The following NRXN3 variants were observed in gnomAD, a reference collection of about 807,000 sequenced individuals.
NRXN3 encodes the protein neurexin 3.
In NRXN3, 32 loss-of-function variants were observed where a neutral mutation model predicts 137.6. That is an observed-to-expected ratio of 0.23 (90% CI 0.18 to 0.31). The LOEUF is 0.31. NRXN3 is among the 10% of genes least tolerant of loss of function. The pLI, the probability that NRXN3 is intolerant of heterozygous loss-of-function variation, is 1.00. For synonymous variants in NRXN3, 798 were observed against 784.5 expected, an observed-to-expected ratio of 1.02 and a Z score of -0.29; for missense variants, 1,574 against 2,062.5, an observed-to-expected ratio of 0.76 and a Z score of 4.59.
chr14:79,017,901 C>T (rs1452766051), intron 15 of NRXN3, among the ~76,000 whole-genome samples: 1 of 151,934 alleles, frequency 6.6e-6, no homozygotes, highest in Non-Finnish European at 1.5e-5. Flanking sequence ...ATCAGGAGTC[C>T]TTATCAAAGG....
intron 10 of NRXN3, among the ~76,000 whole-genome samples, chr14:78,907,171 T>G (rs909087920): frequency 1.3e-5 from 2 of 152,076 alleles, no homozygotes; most frequent in Non-Finnish European, 2.9e-5. Context: ...CATATTAAAT[T>G]TTGGATTTAG....
chr14:79,084,310 A>G (rs2152772486), intron 15 of NRXN3, among the ~76,000 whole-genome samples: 1 of 152,292 alleles, frequency 6.6e-6, no homozygotes, highest in African/African-American at 2.4e-5. Flanking sequence ...TCATAGAACT[A>G]TACACCAGAA....
chr14:78,439,219 G>C (rs1239271042), intron 4 of NRXN3, among the ~76,000 whole-genome samples: 3 of 151,994 alleles, frequency 2.0e-5, no homozygotes, highest in Non-Finnish European at 4.4e-5. Context: ...AGAATAGTTT[G>C]TATCTTGAAA....
chr14:78,282,261 G>T (rs905818851), intron 3 of NRXN3: 12 of 440,946 alleles, frequency 2.7e-5, no homozygotes, highest in African/African-American at 2.0e-4. Context: ...CCTGCTTTTT[G>T]CCTGTTCTAG....
At chr14:78,868,706 A>C (rs756929279) in intron 10 of NRXN3, among the ~76,000 whole-genome samples, 32 of 152,028 alleles carry the variant, frequency 2.1e-4, no homozygotes, top group Non-Finnish European at 3.8e-4. Context: ...CTGTAATCCC[A>C]GCTACTCAGG....
chr14:79,308,172 A>T (rs2086464200), intron 15 of NRXN3, among the ~76,000 whole-genome samples: 1 of 149,750 alleles, frequency 6.7e-6, no homozygotes, highest in South Asian at 2.4e-4. Flanking sequence ...GGGTGTTAGG[A>T]CTTAGGGGGT....
At chr14:78,185,967 G>T (rs997184034) in intron 1 of NRXN3, among the ~76,000 whole-genome samples, 15 of 152,130 alleles carry the variant, frequency 9.9e-5, no homozygotes, top group Admixed American at 5.2e-4. Flanking sequence ...GTATGTATTG[G>T]TGCATGGGGT....
intron 8 of NRXN3, 74 bp from the exon 9 acceptor site, chr14:78,803,546 G>T: frequency 7.2e-7 from 1 of 1,398,246 alleles, no homozygotes; most frequent in Admixed American, 1.7e-5. Flanking sequence ...TACTCGCTTA[G>T]CCTGAAAGCA....
intron 15 of NRXN3, among the ~76,000 whole-genome samples, chr14:79,435,394 T>C (rs1471389322): frequency 1.3e-5 from 2 of 151,260 alleles, no homozygotes; most frequent in Non-Finnish European, 2.9e-5. Flanking sequence ...TAGGAAAAAA[T>C]CTTTTGTGCA....
intron 19 of NRXN3, among the ~76,000 whole-genome samples, chr14:79,714,699 A>G (rs2098817525): frequency 6.6e-6 from 1 of 152,162 alleles, no homozygotes; most frequent in African/African-American, 2.4e-5. Flanking sequence ...AAAGGAAATT[A>G]AAGTGTGATT....
chr14:78,675,327 G>T (rs1436209774), intron 6 of NRXN3, among the ~76,000 whole-genome samples: 1 of 152,076 alleles, frequency 6.6e-6, no homozygotes, highest in African/African-American at 2.4e-5. Context: ...AGAAATGAGT[G>T]GAATCTAAAA....
intron 15 of NRXN3, among the ~76,000 whole-genome samples, chr14:79,148,576 A>G (rs937318789): frequency 1.3e-5 from 2 of 152,086 alleles, no homozygotes; most frequent in Non-Finnish European, 1.5e-5. Flanking sequence ...ACTTCATAAG[A>G]ACATGGTTCA....
intron 1 of NRXN3, among the ~76,000 whole-genome samples, chr14:78,225,311 A>G (rs2064403586): frequency 6.6e-6 from 1 of 152,090 alleles, no homozygotes; most frequent in African/African-American, 2.4e-5. Flanking sequence ...GTGAGATGGT[A>G]TCTCATTGTG....
intron 10 of NRXN3, among the ~76,000 whole-genome samples, chr14:78,884,529 T>C (rs551355109): frequency 6.6e-6 from 1 of 152,280 alleles, no homozygotes; most frequent in African/African-American, 2.4e-5. Flanking sequence ...TTGTTTAGGT[T>C]TCTAGATATG....
At chr14:78,984,504 G>T (rs560844741) in intron 14 of NRXN3, among the ~76,000 whole-genome samples, 4 of 152,240 alleles carry the variant, frequency 2.6e-5, no homozygotes, top group Admixed American at 2.6e-4. Context: ...GAAACTCAAA[G>T]AATAAAAATG....
At chr14:79,658,892 A>G (rs1164259994) in intron 16 of NRXN3, among the ~76,000 whole-genome samples, 1 of 152,198 alleles carries the variant, frequency 6.6e-6, no homozygotes, top group Non-Finnish European at 1.5e-5. Context: ...AATTTTCTAA[A>G]ATAGCGGATG....
intron 16 of NRXN3, among the ~76,000 whole-genome samples, chr14:79,470,934 G>A (rs1166066571): frequency 1.9e-4 from 18 of 94,534 alleles, no homozygotes; most frequent in African/African-American, 6.0e-4. Flanking sequence ...GAGAGAGAGA[G>A]AGAGAAAGAG....
chr14:78,577,912 T>G (rs1423508044), intron 4 of NRXN3, among the ~76,000 whole-genome samples: 2 of 152,144 alleles, frequency 1.3e-5, no homozygotes, highest in African/African-American at 4.8e-5. Context: ...AGCTGTCTTT[T>G]GTTTGATTGT....
intron 10 of NRXN3, among the ~76,000 whole-genome samples, chr14:78,826,830 G>T (rs1326659031): frequency 6.6e-6 from 1 of 151,974 alleles, no homozygotes; most frequent in Non-Finnish European, 1.5e-5. Context: ...GATAAATTTG[G>T]TATCCTATGA....
Sources: gnomAD v4.1 joint callset for allele counts (sites outside exome capture counted in the v4.1 genomes callset) on GRCh38, gnomAD v4.1.1 for gene constraint, MANE v1.5 for transcripts, NCBI Gene and HGNC (gene_info 2026-07-23, HGNC 2026-07-21) for gene names.